Variants in SHROOM4 observed in about 807,000 individuals in gnomAD.
SHROOM4 encodes the protein protein Shroom4.
In SHROOM4, 17 loss-of-function variants were observed where a neutral mutation model predicts 80.3. That is an observed-to-expected ratio of 0.21 (90% CI 0.14 to 0.32). The LOEUF (loss-of-function observed/expected upper bound fraction) is 0.32. Ranked by LOEUF, SHROOM4 falls within the 10% of genes least tolerant of loss-of-function variation. The pLI is 1.00. For missense variants in SHROOM4, 993 were observed against 1,140.3 expected (o/e 0.87, Z 1.86); for synonymous variants, 400 against 437.5 (o/e 0.91, Z 1.07).
intron 2 of SHROOM4, among the ~76,000 whole-genome samples, chrX:50,655,289 C>A (rs190788818): frequency 2.4e-3 from 262 of 109,260 alleles, no homozygotes; most frequent in African/African-American, 8.3e-3. Flanking sequence ...CATTTATTTT[C>A]TTTTGTGTAT....
At chrX:50,695,670 C>T (rs781931319) in intron 2 of SHROOM4, 116 bp downstream of exon 2, 1 of 881,217 alleles carries the variant, frequency 1.1e-6, no homozygotes, top group Non-Finnish European at 1.6e-6. Context: ...AAATTCTATT[C>T]AAGTGAAACA....
At chrX:50,762,859 T>C (rs1935190405) in intron 1 of SHROOM4, among the ~76,000 whole-genome samples, 1 of 111,967 alleles carries the variant, frequency 8.9e-6, no homozygotes, top group African/African-American at 3.2e-5. Context: ...ATTTTAACTG[T>C]AATATACTTA....
In SHROOM4 at chrX:50,808,434, G is replaced by A. The variant is rs147720187; in HGVS notation, c.117+5468C>T. On this transcript the variant is annotated intron_variant, in intron 1 of 8. Coordinates refer to ENST00000376020, the MANE Select transcript of SHROOM4 (RefSeq NM_020717.5). ...GATTAGACTAGGTGACTTCTAAAAG[G>A]CTCTCTTTACTCTGAGATTCTTTGA... is the stretch of plus-strand genomic sequence containing the variant. Among the ~76,000 whole-genome samples the A allele has an allele frequency of 7.8e-3, 867 of 111,391 alleles. 2 individuals are homozygous for A. Among genetic ancestry groups the A allele is most frequent in the Middle Eastern group, 0.014 (3 of 216 alleles).
In SHROOM4 at chrX:50,588,271, G is replaced by T. The variant is rs181187978; in HGVS notation, c.*8424C>A. On this transcript the variant is annotated 3_prime_UTR_variant, in exon 9 of 9. Coordinates refer to ENST00000376020, the MANE Select transcript of SHROOM4 (RefSeq NM_020717.5). ...AATCTTGACCTGGTGCACACAGCAG[G>T]GTAGGTAAGGAAAGGAACCATCATC... Among the ~76,000 whole-genome samples, 1 of 111,359 alleles carries T rather than the reference G, an allele frequency of 9.0e-6. No individual in the cohort carries two copies. The highest frequency in any genetic ancestry group is 2.8e-4 in the East Asian group (1 of 3,541).
chrX:50,711,376 C>G (rs979067226), intron 1 of SHROOM4, among the ~76,000 whole-genome samples: 1 of 111,846 alleles, frequency 8.9e-6, no homozygotes, highest in African/African-American at 3.3e-5. Flanking sequence ...GGAAGTTACA[C>G]AGCATGGTTA....
chrX:50,808,753 G>C (rs1239620415), intron 1 of SHROOM4, among the ~76,000 whole-genome samples: 1 of 110,381 alleles, frequency 9.1e-6, no homozygotes, highest in Admixed American at 9.7e-5. Flanking sequence ...GGAAGGCAAG[G>C]GGGGAAATCA....
intron 1 of SHROOM4, among the ~76,000 whole-genome samples, chrX:50,697,030 A>C (rs868955998): frequency 8.9e-6 from 1 of 111,969 alleles, no homozygotes; most frequent in Non-Finnish European, 1.9e-5. Flanking sequence ...TCCATCCATT[A>C]ATCATTCCTT....
chrX:50,631,165 T>C (rs1931045912), intron 4 of SHROOM4, among the ~76,000 whole-genome samples: 1 of 111,545 alleles, frequency 9.0e-6, no homozygotes, highest in African/African-American at 3.3e-5. Context: ...TTAGCAAATC[T>C]AGTAACATAT....
Position 50,766,756 on chromosome X carries a change from T to A in SHROOM4, c.117+47146A>T, listed in dbSNP as rs140188382. ...TGTAAAAAGGAATAGTTTTGCATAG[T>A]GAAATATGATAAAGCATACATAAAA... is the stretch of plus-strand genomic sequence containing the variant. On this transcript the variant is annotated intron_variant, in intron 1 of 8. Transcript: ENST00000376020. 1.8e-3 allele frequency among the ~76,000 whole-genome samples: 204 copies of A among 111,529 alleles called. 1 individual carries two copies. The highest frequency in any genetic ancestry group is 6.2e-3 in the African/African-American group (190 of 30,723).
At chrX:50,603,340 A>G (rs1392250637) in intron 6 of SHROOM4, among the ~76,000 whole-genome samples, 1 of 109,993 alleles carries the variant, frequency 9.1e-6, no homozygotes, top group Non-Finnish European at 1.9e-5. Flanking sequence ...TTCTTTTCCA[A>G]TGCCACTCCT....
chrX:50,792,196 T>G (rs1557271597), intron 1 of SHROOM4, among the ~76,000 whole-genome samples: 1 of 111,987 alleles, frequency 8.9e-6, no homozygotes, highest in Non-Finnish European at 1.9e-5. Context: ...CTAACGAATC[T>G]TTTAACACAG....
At chrX:50,791,238 G>C (rs1203237700) in intron 1 of SHROOM4, among the ~76,000 whole-genome samples, 1 of 110,943 alleles carries the variant, frequency 9.0e-6, no homozygotes. Flanking sequence ...AAATACTTAG[G>C]AATAAATGTA....
the SHROOM4 span, among the ~76,000 whole-genome samples, chrX:50,575,665 T>C: frequency 3.6e-5 from 4 of 111,907 alleles, no homozygotes; most frequent in African/African-American, 6.5e-5. Context: ...CAATCTTGCA[T>C]ATTAAGTATG....
chrX:50,601,589 T>C (rs1929410156), intron 7 of SHROOM4, among the ~76,000 whole-genome samples: 1 of 112,010 alleles, frequency 8.9e-6, no homozygotes, highest in South Asian at 3.7e-4. Flanking sequence ...TATTTGCTTA[T>C]GAAATACAAT....
At chrX:50,794,052 T>C (rs909209622) in intron 1 of SHROOM4, among the ~76,000 whole-genome samples, 10 of 110,418 alleles carry the variant, frequency 9.1e-5, no homozygotes, top group Non-Finnish European at 1.3e-4. Context: ...GATGAAGATA[T>C]TATGGGGCCA....
At chrX:50,636,264 A>G (rs1341133213) in intron 3 of SHROOM4, among the ~76,000 whole-genome samples, 1 of 110,674 alleles carries the variant, frequency 9.0e-6, no homozygotes, top group Non-Finnish European at 1.9e-5. Flanking sequence ...TCATCCAGCA[A>G]TCACACTTTT....
chrX:50,711,248 T>C (rs1423762579), intron 1 of SHROOM4, among the ~76,000 whole-genome samples: 1 of 111,766 alleles, frequency 8.9e-6, no homozygotes, highest in Admixed American at 9.5e-5. Flanking sequence ...CAAATCTTAT[T>C]GTATGCCACC....
At chrX:50,769,425 G>A (rs1403209629) in intron 1 of SHROOM4, among the ~76,000 whole-genome samples, 3 of 111,900 alleles carry the variant, frequency 2.7e-5, no homozygotes, top group East Asian at 5.6e-4. Flanking sequence ...ATTAGGCGTC[G>A]CAGGCCCAAT....
At chrX:50,677,713 T>C (rs141566670) in intron 2 of SHROOM4, among the ~76,000 whole-genome samples, 1,163 of 111,643 alleles carry the variant, frequency 0.01, 9 homozygotes, top group African/African-American at 0.036. Context: ...CATGCATTCA[T>C]TCATTGACTA....
Sources: gnomAD v4.1 joint callset for allele counts (sites outside exome capture counted in the v4.1 genomes callset) on GRCh38, gnomAD v4.1.1 for gene constraint, MANE v1.5 for transcripts, NCBI Gene and HGNC (gene_info 2026-07-23, HGNC 2026-07-21) for gene names.